DPP6: variants seen among roughly 807,000 people sequenced by gnomAD.
DPP6 encodes the protein dipeptidyl peptidase like 6, also known as A-type potassium channel modulatory protein DPP6.
A neutral mutation model predicts 122.6 loss-of-function variants in DPP6; 69 were observed. That is an observed-to-expected ratio of 0.56 (90% CI 0.46 to 0.69). The LOEUF (loss-of-function observed/expected upper bound fraction) is 0.69, where lower values mean the gene tolerates loss of function less well. DPP6 is among the 30% of genes least tolerant of loss of function. The probability of loss-of-function intolerance (pLI) is 0.00; values close to 1 mark genes in which losing one functional copy is unlikely to be tolerated. For missense variants in DPP6, 928 were observed against 1,116.9 expected (o/e 0.83, Z 2.41); for synonymous variants, 418 against 433.1 (o/e 0.97, Z 0.43).
chr7:154,266,954 A>G (rs1029079388), intron 1 of DPP6, among the ~76,000 whole-genome samples: 2 of 152,254 alleles, frequency 1.3e-5, no homozygotes, highest in Admixed American at 6.5e-5. Flanking sequence ...TCAAATAAAA[A>G]TATTCGCAGT....
chr7:154,204,567 G>A (rs976477664), intron 1 of DPP6, among the ~76,000 whole-genome samples: 11 of 152,176 alleles, frequency 7.2e-5, no homozygotes, highest in African/African-American at 2.7e-4. Flanking sequence ...CGGCAAACCT[G>A]AGACTCATTG....
At chr7:154,452,645 G>A (rs1421728314) in intron 2 of DPP6, among the ~76,000 whole-genome samples, 2 of 152,208 alleles carry the variant, frequency 1.3e-5, no homozygotes, top group Admixed American at 6.5e-5. Flanking sequence ...GAACTCACTT[G>A]ATTCAGTCGT....
chr7:154,611,390 G>A lies in DPP6; in HGVS notation c.628-26431G>A, dbSNP rs557602119. On this transcript the variant is annotated intron_variant, in intron 5 of 25. Coordinates refer to ENST00000377770, the MANE Select transcript of DPP6 (RefSeq NM_130797.4). Reference sequence around the variant, plus strand: ...AGAGGGGCACTTCACACAAAATAGTGGTTCAGCAAATGTTTGTGGGATGCC... The same window carrying A: ...AGAGGGGCACTTCACACAAAATAGTAGTTCAGCAAATGTTTGTGGGATGCC... Among the ~76,000 whole-genome samples, 356 of 152,230 alleles carry A rather than the reference G, an allele frequency of 2.3e-3. 5 individuals are homozygous for A. The highest frequency in any genetic ancestry group is 0.02 in the Admixed American group (311 of 15,288).
chr7:154,890,575 A>G (rs1806513733), intron 25 of DPP6: 1 of 151,978 alleles, frequency 6.6e-6, no homozygotes, highest in South Asian at 2.1e-4. Flanking sequence ...CATGTGGGCA[A>G]CTCCCCAAGA....
rs1834436187 is a variant in DPP6, at chr7:154,618,733, G to A, written c.628-19088G>A. ...CACATGCCTACTAAATGCTCTGTAG[G>A]CTTTATCTCATTTTAACTTCACTTA... On this transcript the variant is annotated intron_variant, in intron 5 of 25. Coordinates refer to ENST00000377770, the MANE Select transcript of DPP6 (RefSeq NM_130797.4). This position sits in a 1 kb window ranked among gnomAD's most constrained non-coding sequence, Gnocchi z 4.1. Among the ~76,000 whole-genome samples the A allele has an allele frequency of 6.6e-6, 1 of 152,114 alleles. No homozygotes were observed. The highest frequency in any genetic ancestry group is 2.4e-5 in the African/African-American group (1 of 41,404).
chr7:154,867,846 CCA>C, intron 17 of DPP6, 147 bp from the exon 18 acceptor site: 1 of 1,100,960 alleles, frequency 9.1e-7, no homozygotes, highest in Admixed American at 3.8e-5. Context: ...TTTTTAATGC[CCA>C]GTTTCTTTTT....
chr7:154,338,071 A>G (rs1809589905), intron 1 of DPP6, among the ~76,000 whole-genome samples: 1 of 152,038 alleles, frequency 6.6e-6, no homozygotes, highest in Non-Finnish European at 1.5e-5. Context: ...ACTTAACTTT[A>G]GTCTGGATTC....
chr7:153,796,056 A>G, the DPP6 span, among the ~76,000 whole-genome samples: 2 of 137,320 alleles, frequency 1.5e-5, no homozygotes, highest in East Asian at 4.0e-4. Flanking sequence ...GTGGCGAGTG[A>G]TCCATGCACA....
chr7:154,760,087 C>T lies in DPP6; in HGVS notation c.884-9330C>T, dbSNP rs1247674510. ...GCAGTGAGCAGAAATCATGCCATTG[C>T]ACTCCAGCCTAGGTGACAGAGCGAG... is the stretch of plus-strand genomic sequence containing the variant. On this transcript the variant is annotated intron_variant, in intron 8 of 25. Coordinates refer to ENST00000377770, the MANE Select transcript of DPP6 (RefSeq NM_130797.4). This position sits in a 1 kb window ranked among gnomAD's most constrained non-coding sequence, Gnocchi z 4.5. 6.6e-6 allele frequency among the ~76,000 whole-genome samples: 1 copy of T among 152,194 alleles called. No individual in the cohort carries two copies. The highest frequency in any genetic ancestry group is 1.5e-5 in the Non-Finnish European group (1 of 68,042).
At chr7:154,301,512 G>T (rs1216021708) in intron 1 of DPP6, among the ~76,000 whole-genome samples, 5 of 152,144 alleles carry the variant, frequency 3.3e-5, no homozygotes, top group Non-Finnish European at 7.3e-5. Flanking sequence ...ACTTTAGGGG[G>T]GGTAACACGT....
intron 1 of DPP6, among the ~76,000 whole-genome samples, chr7:154,271,588 G>C (rs1370740671): frequency 6.6e-6 from 1 of 152,190 alleles, no homozygotes; most frequent in East Asian, 1.9e-4. Context: ...GAAATAGGCT[G>C]TTCTGTTTGA....
chr7:153,941,649 C>T (rs1348145041), intron 1 of DPP6, among the ~76,000 whole-genome samples: 1 of 152,228 alleles, frequency 6.6e-6, no homozygotes, highest in African/African-American at 2.4e-5. Context: ...CTCTGGGGTC[C>T]ATGCTGCAGC....
rs187249543 is a variant in DPP6, at chr7:154,101,509, G to A, written c.243+48446G>A. Among the ~76,000 whole-genome samples the A allele has an allele frequency of 6.0e-3, 910 of 151,932 alleles. 14 individuals carry two copies. The highest frequency in any genetic ancestry group is 0.034 in the Middle Eastern group (10 of 294). On this transcript the variant is annotated intron_variant, in intron 1 of 25. Transcript: ENST00000377770. ...GACATTTAGAAGGGAAAGTGGAGGA[G>A]CAAAGTGAGGAAATCTTATCAGAAA...
rs373378162 is a variant in DPP6, at chr7:154,023,318, G to GCACGCACACACACACACACACACACA, written c.51+135587_51+135588insGCACACACACACACACACACACACAC. 1.8e-3 allele frequency among the ~76,000 whole-genome samples: 237 copies of GCACGCACACACACACACACACACACA among 129,580 alleles called. 3 individuals are homozygous for GCACGCACACACACACACACACACACA. The highest frequency in any genetic ancestry group is 5.9e-3 in the African/African-American group (183 of 31,168). 85.0% of individuals were successfully genotyped at this position (129,580 alleles called of 152,430 possible). A position where few individuals can be genotyped will look rare whatever the true frequency, so the allele number is the denominator to read the frequency against. On this transcript the variant is annotated intron_variant, in intron 1 of 25. Transcript: ENST00000404039. Reference sequence around the variant, plus strand: ...CAGGCTCTGGAAATGTTTCTTGTCTGCACACACACACACACACACACACAC... The same window carrying GCACGCACACACACACACACACACACA: ...CAGGCTCTGGAAATGTTTCTTGTCTGCACGCACACACACACACACACACACACACACACACACACACACACACACAC...
At chr7:154,852,890 T>C (rs1016123172) in intron 16 of DPP6, among the ~76,000 whole-genome samples, 2 of 13,864 alleles carry the variant, frequency 1.4e-4, no homozygotes, top group African/African-American at 1.6e-3. Flanking sequence ...GACATTTAAA[T>C]GAAGGAAACA....
chr7:154,413,133 T>A (rs1157280138), intron 1 of DPP6, among the ~76,000 whole-genome samples: 2 of 152,180 alleles, frequency 1.3e-5, no homozygotes, highest in Non-Finnish European at 2.9e-5. Context: ...CACGCTGCCC[T>A]AAAGTGGTCC....
In DPP6 at chr7:154,663,020, G is replaced by A. The variant is rs1837857307; in HGVS notation, c.681-6340G>A. 3.2e-5 allele frequency among the ~76,000 whole-genome samples: 2 copies of A among 62,192 alleles called. 1 individual carries two copies. The highest frequency in any genetic ancestry group is 4.2e-4 in the Admixed American group (2 of 4,756). 40.8% of individuals were successfully genotyped at this position (62,192 alleles called of 152,430 possible). On this transcript the variant is annotated intron_variant, in intron 6 of 25. Transcript: ENST00000377770. Reference sequence around the variant, plus strand: ...GCCCTAGTGTTCACGCAGTCATGGTGAATCACCATGGCGTGTTGGCCCTAG... The same window carrying A: ...GCCCTAGTGTTCACGCAGTCATGGTAAATCACCATGGCGTGTTGGCCCTAG...
chr7:153,760,728 ATTGT>A, the DPP6 span, among the ~76,000 whole-genome samples: 2 of 152,032 alleles, frequency 1.3e-5, no homozygotes, highest in Non-Finnish European at 2.9e-5. Flanking sequence ...GAATCATGAG[ATTGT>A]TTGAGAGTGG....
At position 154,892,713 on chromosome 7, in the gene DPP6, C is replaced by G. The variant is rs535882912; in HGVS notation, c.*233C>G. Reference sequence around the variant, plus strand: ...GACAACGCTGTCCCCGCAGCAGCGCCTCCTCCCGGCGCCCGAGAGACCGGC... The same window carrying G: ...GACAACGCTGTCCCCGCAGCAGCGCGTCCTCCCGGCGCCCGAGAGACCGGC... On this transcript the variant is annotated 3_prime_UTR_variant, in exon 26 of 26. Transcript: ENST00000377770. 522 of 893,244 alleles carry G rather than the reference C, an allele frequency of 5.8e-4. 4 individuals carry two copies. Among genetic ancestry groups the G allele is most frequent in the South Asian group, 4.6e-3 (351 of 76,748 alleles). 55.3% of individuals were successfully genotyped at this position (893,244 alleles called of 1,614,324 possible).
Sources: gnomAD v4.1 joint callset for allele counts (sites outside exome capture counted in the v4.1 genomes callset) on GRCh38, gnomAD v4.1.1 for gene constraint, Gnocchi (gnomAD v3.1) non-coding constraint, MANE v1.5 for transcripts, NCBI Gene and HGNC (gene_info 2026-07-23, HGNC 2026-07-21) for gene names.